DOCK6: variants seen among roughly 807,000 people sequenced by gnomAD.
DOCK6 encodes the protein dedicator of cytokinesis 6.
In DOCK6, 167 loss-of-function variants were observed where a neutral mutation model predicts 230.3. The observed-to-expected ratio is 0.73, with a 90% CI of 0.64 to 0.82. The LOEUF is 0.82. DOCK6 is among the 40% of genes least tolerant of loss of function. The pLI is 0.00. For missense variants in DOCK6, 2,598 were observed against 2,825.8 expected, an observed-to-expected ratio of 0.92 and a Z score of 1.83; for synonymous variants, 1,148 against 1,185.0, an observed-to-expected ratio of 0.97 and a Z score of 0.64.
intron 24 of DOCK6, 28 bp from the exon 25 acceptor site, chr19:11,223,134 C>T: frequency 1.2e-6 from 2 of 1,604,380 alleles, no homozygotes; most frequent in East Asian, 4.5e-5. Context: ...TGTCAACCCA[C>T]ACACCCAAAC....
chr19:11,252,938 GACA>G lies in DOCK6; in HGVS notation c.150_152del (p.Val51del). On this transcript the variant is annotated inframe_deletion, in exon 3 of 48. Coordinates refer to ENST00000294618, the MANE Select transcript of DOCK6 (RefSeq NM_020812.4). ...GTACATCCTCAAAGTCCAGGGGCTC[GACA>G]ACTTCAGTCAGTGGGACCTGGATTG... is the stretch of plus-strand genomic sequence containing the variant. 6.2e-7 allele frequency: 1 copy of G among 1,608,730 alleles called. No individual in the cohort carries two copies. The highest frequency in any genetic ancestry group is 8.5e-7 in the Non-Finnish European group (1 of 1,177,580).
Position 11,243,624 on chromosome 19 carries a change from C to A in DOCK6, c.1191G>T (p.Thr397=). 1 of 1,612,134 alleles carries A rather than the reference C, an allele frequency of 6.2e-7. No individual in the cohort carries two copies. Among genetic ancestry groups the A allele is most frequent in the Non-Finnish European group, 8.5e-7 (1 of 1,179,556 alleles). Residue 397 remains threonine, a synonymous_variant, in exon 11 of 48, where the codon ACG becomes ACT. Transcript: ENST00000294618. The surrounding 1 kb of genome is among the most constrained non-coding windows in gnomAD (Gnocchi z 6.3). ...LGRYRMPFAW[T]AVHLANIVSS... is the part of the protein sequence containing the mutation. The stretch of plus-strand genomic sequence containing the variant: ...TCACGATGTTGGCCAAGTGCACGGC[C>A]GTCCAGGCGAAGGGCATGCGGTAGC...
chr19:11,214,044 A>T (rs1421051963), intron 34 of DOCK6, among the ~76,000 whole-genome samples: 1 of 151,756 alleles, frequency 6.6e-6, no homozygotes, highest in African/African-American at 2.4e-5. Flanking sequence ...CAGCCTCCCA[A>T]AGTGCTGGGA....
chr19:11,224,214 C>CTTTTT (rs1555691471), intron 24 of DOCK6, among the ~76,000 whole-genome samples: 1 of 142,124 alleles, frequency 7.0e-6, no homozygotes, highest in Non-Finnish European at 1.5e-5. Context: ...TTCTTTCTTT[C>CTTTTT]TTTTTTTTTT....
rs756178468 is a variant in DOCK6 at position 11,202,927 on chromosome 19, G to A, written c.5236-218C>T. Among the ~76,000 whole-genome samples the A allele has an allele frequency of 2.0e-5, 3 of 152,172 alleles. No individual in the cohort carries two copies. Among genetic ancestry groups the A allele is most frequent in the Non-Finnish European group, 2.9e-5 (2 of 68,036 alleles). ...GTTTACGGGTGTGTCCCTAATGCCC[G>A]TGGGACAGGGTATACAGCAGGTACC... On this transcript the variant is annotated intron_variant, in intron 41 of 47. Transcript: ENST00000294618. The surrounding 1 kb of genome is among the most constrained non-coding windows in gnomAD (Gnocchi z 5.3).
At chr19:11,211,941 G>T (rs1465512950) in intron 36 of DOCK6, 52 bp downstream of exon 36, 10 of 1,582,608 alleles carry the variant, frequency 6.3e-6, no homozygotes, top group Admixed American at 1.8e-5. Flanking sequence ...CAAGGTGGTG[G>T]GGTTGGGAGT....
intron 1 of DOCK6, among the ~76,000 whole-genome samples, chr19:11,255,192 A>G (rs1254888658): frequency 6.6e-6 from 1 of 151,954 alleles, no homozygotes; most frequent in African/African-American, 2.4e-5. Context: ...TTTAGCAGAG[A>G]CGGGGTTTCA....
rs756965986 is a variant in DOCK6 at position 11,259,556 on chromosome 19, C to CTTTTTTT, written c.44+2834_44+2840dup. Reference sequence around the variant, plus strand: ...CCTCCAATGAATCATTATTTCTTTTCTTTTTTTTTTTTTTTTTTTGAGATG... The same window carrying CTTTTTTT: ...CCTCCAATGAATCATTATTTCTTTTCTTTTTTTTTTTTTTTTTTTTTTTTTTGAGATG... On this transcript the variant is annotated intron_variant, in intron 1 of 47. Coordinates refer to ENST00000294618, the MANE Select transcript of DOCK6 (RefSeq NM_020812.4). Among the ~76,000 whole-genome samples the CTTTTTTT allele has an allele frequency of 9.5e-3, 988 of 103,568 alleles. 32 individuals carry two copies. The highest frequency in any genetic ancestry group is 0.012 in the Non-Finnish European group (646 of 53,144). 67.9% of individuals were successfully genotyped at this position (103,568 alleles called of 152,430 possible). A position where few individuals can be genotyped will look rare whatever the true frequency, so the allele number is the denominator to read the frequency against.
rs370060122 is a variant in DOCK6 at position 11,222,185 on chromosome 19, G to T, written c.3304C>A (p.Pro1102Thr). The T allele has an allele frequency of 8.1e-6, 13 of 1,608,866 alleles. No individual in the cohort carries two copies. The African/African-American group carries it at 1.6e-4, about 20-fold the overall frequency. ...KVTSMFELSG[P>T]FRQQHFLAGL... ...GCTAGGAAGTGCTGCTGCCGGAATG[G>T]TCCACTCAGTTCGAACATGCTGGTC... The change falls in exon 27 of 48, where the codon CCA becomes ACA. Residue 1102 changes from proline to threonine, a missense_variant. Coordinates refer to ENST00000294618, the MANE Select transcript of DOCK6 (RefSeq NM_020812.4). This position sits in a 1 kb window ranked among gnomAD's most constrained non-coding sequence, Gnocchi z 4.0.
rs184661126 is a variant in DOCK6, at chr19:11,222,377, G to A, written c.3241-129C>T. ...GCCACAGATGAAAGACTGATGTTAA[G>A]TCATCTGGAGGTGACAGTGGGCATG... On this transcript the variant is annotated intron_variant, in intron 26 of 47. Coordinates refer to ENST00000294618, the MANE Select transcript of DOCK6 (RefSeq NM_020812.4). The surrounding 1 kb of genome is among the most constrained non-coding windows in gnomAD (Gnocchi z 4.0). The A allele has an allele frequency of 2.5e-5, 33 of 1,307,182 alleles. No individual in the cohort carries two copies. Among genetic ancestry groups the A allele is most frequent in the Non-Finnish European group, 5.2e-6 (5 of 957,524 alleles). 81.0% of individuals were successfully genotyped at this position (1,307,182 alleles called of 1,614,324 possible). A position where few individuals can be genotyped will look rare whatever the true frequency, so the allele number is the denominator to read the frequency against.
chr19:11,234,848 T>C (rs1385525964), intron 21 of DOCK6, among the ~76,000 whole-genome samples: 1 of 152,162 alleles, frequency 6.6e-6, no homozygotes, highest in African/African-American at 2.4e-5. Flanking sequence ...TTATCTCTCT[T>C]GCAAGTTGCT....
At chr19:11,215,310 C>T (rs188337920) in intron 32 of DOCK6, 77 bp downstream of exon 32, 13 of 1,364,792 alleles carry the variant, frequency 9.5e-6, no homozygotes, top group Admixed American at 1.7e-5. Context: ...TGGTCTCGAA[C>T]TCCTGGACTC....
rs2079307012 is a variant in DOCK6 at position 11,208,705 on chromosome 19, G to A, written c.5069C>T (p.Ala1690Val). Residue 1690 changes from alanine (A) to valine (V), a missense_variant, in exon 39 of 48, where the codon GCA (alanine) becomes GTA (valine). By Grantham distance (64) the Ala-to-Val change is moderately conservative (BLOSUM62 0). Transcript: ENST00000294618. The part of the protein sequence containing the change: ...ELGLVGLLEQ[A>V]AGYFTMGGLY... The stretch of plus-strand genomic sequence containing the variant: ...CCTCACCATGGTGAAGTAGCCGGCT[G>A]CCTGTTCCAGCAACCCTACCAGCCC... 6.2e-7 allele frequency: 1 copy of A among 1,611,734 alleles called. No homozygotes were observed. The highest frequency in any genetic ancestry group is 8.5e-7 in the Non-Finnish European group (1 of 1,178,292).
rs779305788 is a variant in DOCK6 at position 11,211,872 on chromosome 19, T to G, written c.4655A>C (p.Gln1552Pro). 2 of 1,551,396 alleles carry G rather than the reference T, an allele frequency of 1.3e-6. No homozygotes were observed. The highest frequency in any genetic ancestry group is 2.7e-5 in the African/African-American group (2 of 72,858). The change falls in exon 37 of 48, where the codon CAG becomes CCG. Residue 1552 changes from glutamine to proline, a missense_variant. Coordinates refer to ENST00000294618, the MANE Select transcript of DOCK6 (RefSeq NM_020812.4). ...LRDSTFAEQVQDLMFNLHMIL... is the reference protein window; with the variant it reads ...LRDSTFAEQVPDLMFNLHMIL... ...CATGTGCAGGTTGAACATCAGGTCC[T>G]GGACCTGGAGCCGGGGAACGTCCAG...
intron 2 of DOCK6, 109 bp from the exon 3 acceptor site, chr19:11,253,067 G>A (rs1277620853): frequency 1.4e-5 from 15 of 1,094,602 alleles, no homozygotes; most frequent in Non-Finnish European, 1.8e-5. Context: ...GAGGGCGGTG[G>A]GAGCCATGGA....
chr19:11,253,683 T>C lies in DOCK6; in HGVS notation c.88A>G (p.Ser30Gly), dbSNP rs771294136. ...CGCCTGCTGGAGTGGGGGGAGCCAC[T>C]GCGTTCCCGGGACACCTGCTTCCGC... ...EVRKQVSRER[S>G]GSPHSSRRCS... The change falls in exon 2 of 48, where the codon AGT becomes GGT. Residue 30 changes from serine (S) to glycine (G), a missense_variant. Transcript: ENST00000294618. 9.5e-6 allele frequency: 14 copies of C among 1,468,804 alleles called. No homozygotes were observed. The highest frequency in any genetic ancestry group is 3.1e-5 in the Admixed American group (1 of 32,524). 91.0% of individuals were successfully genotyped at this position (1,468,804 alleles called of 1,614,324 possible).
chr19:11,260,885 A>AAAAAAAAAAAAAAAAAAAG (rs1555698780), intron 1 of DOCK6, among the ~76,000 whole-genome samples: 6 of 127,296 alleles, frequency 4.7e-5, no homozygotes, highest in East Asian at 2.7e-4. Flanking sequence ...TCTGTCTCAA[A>AAAAAAAAAAAAAAAAAAAG]AAAAAAAAAA....
chr19:11,215,663 C>T (rs1355575456), intron 31 of DOCK6, 138 bp downstream of exon 31: 44 of 1,444,666 alleles, frequency 3.0e-5, no homozygotes, highest in South Asian at 7.4e-5. Context: ...CGCATGTGTA[C>T]GGTGATGATT....
chr19:11,209,219 A>C, intron 37 of DOCK6, 116 bp from the exon 38 acceptor site: 1 of 1,211,268 alleles, frequency 8.3e-7, no homozygotes, highest in Non-Finnish European at 1.2e-6. Context: ...AGGACCAGCC[A>C]ATCTCCTCAC....
Sources: gnomAD v4.1 joint callset for allele counts (sites outside exome capture counted in the v4.1 genomes callset) on GRCh38, gnomAD v4.1.1 for gene constraint, Gnocchi (gnomAD v3.1) non-coding constraint, MANE v1.5 for transcripts, NCBI Gene and HGNC (gene_info 2026-07-23, HGNC 2026-07-21) for gene names.